TTC39B: variants seen among roughly 807,000 people sequenced by gnomAD.
TTC39B encodes the protein tetratricopeptide repeat protein 39B.
Under a neutral mutation model 96.6 loss-of-function variants are expected in TTC39B, and 92 were observed. That is an observed-to-expected ratio of 0.95 (90% CI 0.80 to 1.13). The LOEUF (loss-of-function observed/expected upper bound fraction) is 1.13. Among genes scored for constraint, TTC39B ranks in the 50% most tolerant of loss-of-function variants. The pLI, the probability that TTC39B is intolerant of heterozygous loss-of-function variation, is 0.00. For missense variants in TTC39B, 955 were observed against 809.3 expected, an observed-to-expected ratio of 1.18 and a Z score of -2.18; for synonymous variants, 367 against 299.4, an observed-to-expected ratio of 1.23 and a Z score of -2.33.
intron 3 of TTC39B, among the ~76,000 whole-genome samples, chr9:15,217,384 C>G (rs1045774870): frequency 6.6e-6 from 1 of 152,128 alleles, no homozygotes; most frequent in African/African-American, 2.4e-5. Flanking sequence ...ACACTGTCAC[C>G]TGGGAGGATA....
chr9:15,226,092 A>AT, intron 2 of TTC39B, 80 bp from the exon 3 acceptor site: 3 of 1,180,924 alleles, frequency 2.5e-6, no homozygotes, highest in Non-Finnish European at 3.6e-6. Flanking sequence ...ATTACACAAC[A>AT]TAAGTCTTCC....
intron 7 of TTC39B, among the ~76,000 whole-genome samples, chr9:15,201,037 G>A (rs973491254): frequency 5.9e-5 from 9 of 152,188 alleles, no homozygotes; most frequent in South Asian, 2.1e-4. Flanking sequence ...AAGATGCTCT[G>A]ATATGTATTT....
At chr9:15,212,380 CAAAA>C (rs200310557) in intron 4 of TTC39B, among the ~76,000 whole-genome samples, 3 of 105,610 alleles carry the variant, frequency 2.8e-5, no homozygotes, top group Admixed American at 9.9e-5. Context: ...TTTCAAGAAG[CAAAA>C]AAAAAAAAAA....
At chr9:15,192,480 C>A in intron 9 of TTC39B, 110 bp downstream of exon 9, 1 of 805,530 alleles carries the variant, frequency 1.2e-6, no homozygotes, top group South Asian at 1.7e-5. Flanking sequence ...AGCTGTTTGT[C>A]AACCAACCCA....
At chr9:15,265,639 T>C (rs1160631728) in intron 2 of TTC39B, among the ~76,000 whole-genome samples, 1 of 152,066 alleles carries the variant, frequency 6.6e-6, no homozygotes, top group East Asian at 1.9e-4. Flanking sequence ...GAGTACTGTA[T>C]AAAAAGGGAG....
chr9:15,302,377 G>C (rs545757123), intron 1 of TTC39B, among the ~76,000 whole-genome samples: 4 of 151,386 alleles, frequency 2.6e-5, no homozygotes, highest in Admixed American at 1.3e-4. Flanking sequence ...AGCACTTTGG[G>C]AGGTCGAGGT....
At chr9:15,224,124 G>A (rs1820994944) in intron 3 of TTC39B, among the ~76,000 whole-genome samples, 1 of 152,068 alleles carries the variant, frequency 6.6e-6, no homozygotes, top group Non-Finnish European at 1.5e-5. Flanking sequence ...TCACAGGCAA[G>A]AGCTTCAGAA....
intron 8 of TTC39B, 110 bp downstream of exon 8, chr9:15,199,734 CAAAAAAAAAAAAAAAAA>C (rs35361396): frequency 9.6e-4 from 68 of 70,688 alleles, no homozygotes; most frequent in East Asian, 7.4e-3. Context: ...GACTCCGTCT[CAAAAAAAAAAAAAAAAA>C]AAAAAAAAAA....
intron 17 of TTC39B, among the ~76,000 whole-genome samples, chr9:15,178,100 A>G (rs1380315366): frequency 2.6e-5 from 4 of 151,910 alleles, no homozygotes; most frequent in Non-Finnish European, 5.9e-5. Flanking sequence ...CGATCTCCTG[A>G]CCTCATGATC....
intron 1 of TTC39B, among the ~76,000 whole-genome samples, chr9:15,270,966 C>G (rs895797120): frequency 2.6e-5 from 4 of 152,180 alleles, no homozygotes; most frequent in Non-Finnish European, 5.9e-5. Context: ...CTTACAAAAG[C>G]TATTTCATGT....
At chr9:15,200,678 G>T (rs1586856933) in intron 7 of TTC39B, among the ~76,000 whole-genome samples, 1 of 152,226 alleles carries the variant, frequency 6.6e-6, no homozygotes, top group Non-Finnish European at 1.5e-5. Context: ...CATATCCAGA[G>T]AGAAAGTTTT....
At chr9:15,215,724 G>A (rs1174468547) in intron 3 of TTC39B, among the ~76,000 whole-genome samples, 2 of 151,086 alleles carry the variant, frequency 1.3e-5, no homozygotes, top group Non-Finnish European at 3.0e-5. Context: ...TAGGCTGGGT[G>A]TGGTGGTGCA....
At chr9:15,234,016 T>C (rs1301472162) in intron 2 of TTC39B, among the ~76,000 whole-genome samples, 98 of 119,304 alleles carry the variant, frequency 8.2e-4, no homozygotes, top group Middle Eastern at 4.0e-3. Flanking sequence ...CTGCCCCGTC[T>C]GGGATGTGAG....
chr9:15,193,019 G>A (rs890807887), intron 8 of TTC39B, among the ~76,000 whole-genome samples: 9 of 152,136 alleles, frequency 5.9e-5, no homozygotes, highest in African/African-American at 1.2e-4. Flanking sequence ...ATATCACAGC[G>A]GACTCCCTGC....
intron 2 of TTC39B, among the ~76,000 whole-genome samples, chr9:15,254,125 T>A (rs1378726365): frequency 6.6e-6 from 1 of 152,072 alleles, no homozygotes; most frequent in Admixed American, 6.5e-5. Context: ...AATAAAGGCT[T>A]GTTAAACCTG....
At chr9:15,225,853 T>C (rs1821092098) in intron 3 of TTC39B, 64 bp downstream of exon 3, 4 of 1,458,406 alleles carry the variant, frequency 2.7e-6, no homozygotes, top group South Asian at 1.2e-5. Flanking sequence ...ATCAGTATTA[T>C]ATTCCTTCAA....
intron 2 of TTC39B, among the ~76,000 whole-genome samples, chr9:15,263,118 C>G (rs1041941090): frequency 6.6e-6 from 1 of 152,190 alleles, no homozygotes; most frequent in Non-Finnish European, 1.5e-5. Context: ...AGCTTGCCAA[C>G]TGCAGAACTG....
rs77399924 is a variant in TTC39B, at chr9:15,174,307, T to C, written c.1958+712A>G. 8.1e-3 allele frequency among the ~76,000 whole-genome samples: 1,227 copies of C among 152,262 alleles called. 13 individuals carry two copies. Among genetic ancestry groups the C allele is most frequent in the African/African-American group, 0.028 (1,163 of 41,546 alleles). On this transcript the variant is annotated intron_variant, in intron 19 of 19. Transcript: ENST00000512701. ...AGGTGCTCAGTGAATAACTGCTGAA[T>C]TTGAATAAATGGACAAATCACTGTT...
In TTC39B at chr9:15,253,043, C is replaced by G. The variant is rs572343368; in HGVS notation, c.275+14871G>C. 7.9e-5 allele frequency among the ~76,000 whole-genome samples: 12 copies of G among 152,326 alleles called. No individual in the cohort carries two copies. The South Asian group carries it at 8.3e-4, about 11-fold the overall frequency. Reference sequence around the variant, plus strand: ...CAAACATACCATATGTATGTCCTTGCACAGGCTTCATGCATACATACACAG... The same window carrying G: ...CAAACATACCATATGTATGTCCTTGGACAGGCTTCATGCATACATACACAG... On this transcript the variant is annotated intron_variant, in intron 2 of 19. Coordinates refer to ENST00000512701, the Ensembl canonical transcript of TTC39B.
Sources: gnomAD v4.1 joint callset for allele counts (sites outside exome capture counted in the v4.1 genomes callset) on GRCh38, gnomAD v4.1.1 for gene constraint, MANE v1.5 for transcripts, NCBI Gene and HGNC (gene_info 2026-07-23, HGNC 2026-07-21) for gene names.